ZSCAN26: variants seen among roughly 807,000 people sequenced by gnomAD.
ZSCAN26 encodes zinc finger and SCAN domain containing 26.
In ZSCAN26, 26 loss-of-function variants were observed where a neutral mutation model predicts 23.0. That is an observed-to-expected ratio of 1.13 (90% confidence interval 0.83 to 1.57). ZSCAN26 has a LOEUF of 1.57. ZSCAN26 is among the 40% of genes most tolerant of loss of function. The pLI is 0.00. For missense variants in ZSCAN26, 528 were observed against 568.5 expected (o/e 0.93, Z 0.72); for synonymous variants, 180 against 202.5 (o/e 0.89, Z 0.94).
At chr6:28,274,044 ATTC>A (rs1337354204) in intron 3 of ZSCAN26, among the ~76,000 whole-genome samples, 3 of 151,504 alleles carry the variant, frequency 2.0e-5, no homozygotes, top group Non-Finnish European at 4.4e-5. Context: ...TGTCACTGAA[ATTC>A]TTCTTCCTAA....
At chr6:28,272,550 T>C in intron 2 of ZSCAN26, 120 bp from the exon 3 acceptor site, 1 of 1,031,530 alleles carries the variant, frequency 9.7e-7, no homozygotes, top group Non-Finnish European at 1.4e-6. Context: ...CATCTTCTTT[T>C]CTTTGCCCCT....
rs755854753 is a variant in ZSCAN26 at position 28,276,266 on chromosome 6, G to T, written c.610G>T (p.Gly204Trp). ...CTCTTGTGGAAGAGTAGAGTCATCT[G>T]GGAAAATATCTGAACCCATGGAGGC... ...TDSCGRVESS[G>W]KISEPMEAHN... The change falls in exon 4 of 4, where the codon GGG (glycine) becomes TGG (tryptophan). Residue 204 changes from glycine to tryptophan, a missense_variant. Gly to Trp is a radical substitution (Grantham distance 184, BLOSUM62 -2). Transcript: ENST00000421553. 1.2e-6 allele frequency: 2 copies of T among 1,613,820 alleles called. No homozygotes were observed. The highest frequency in any genetic ancestry group is 2.7e-5 in the African/African-American group (2 of 74,898).
At chr6:28,268,737 C>A (rs1167940059) in intron 1 of ZSCAN26, among the ~76,000 whole-genome samples, 1 of 152,064 alleles carries the variant, frequency 6.6e-6, no homozygotes, top group Non-Finnish European at 1.5e-5. Context: ...GAGCTCCTCC[C>A]AAAACAGTTT....
intron 3 of ZSCAN26, among the ~76,000 whole-genome samples, chr6:28,272,999 C>A (rs1279352882): frequency 6.6e-6 from 1 of 152,146 alleles, no homozygotes; most frequent in African/African-American, 2.4e-5. Flanking sequence ...CTAATCAGGA[C>A]CACTATCAAG....
chr6:28,269,855 T>C (rs1761612013), intron 1 of ZSCAN26, among the ~76,000 whole-genome samples: 3 of 152,188 alleles, frequency 2.0e-5, no homozygotes, highest in African/African-American at 7.2e-5. Context: ...TCCAGAATAA[T>C]GTTTGACCAA....
chr6:28,269,106 C>A (rs1761571646), intron 1 of ZSCAN26, among the ~76,000 whole-genome samples: 1 of 112,662 alleles, frequency 8.9e-6, no homozygotes. Context: ...GAGGCAGACT[C>A]CATTTCAAAG....
Position 28,276,700 on chromosome 6 carries a change from T to C in ZSCAN26, c.1044T>C (p.Phe348=). 6.2e-7 allele frequency: 1 copy of C among 1,612,864 alleles called. No homozygotes were observed. The highest frequency in any genetic ancestry group is 8.5e-7 in the Non-Finnish European group (1 of 1,179,330). ...PYLCIHCGKN[F]RRSSHLNRHQ... is the part of the protein sequence containing the mutation. ...TATGTATCCATTGTGGAAAAAATTT[T>C]AGGCGCAGCTCTCACCTTAATCGAC... Residue 348 remains phenylalanine, a synonymous_variant, in exon 4 of 4, where the codon TTT becomes TTC. Transcript: ENST00000421553.
chr6:28,276,180 T>C lies in ZSCAN26; in HGVS notation c.539-15T>C. 6.3e-7 allele frequency: 1 copy of C among 1,583,638 alleles called. No individual in the cohort carries two copies. Among genetic ancestry groups the C allele is most frequent in the Non-Finnish European group, 8.6e-7 (1 of 1,166,128 alleles). ...CAAAAGACAAGTAATTGGTGGTATA[T>C]ATTTAATATTGCAGGTGAGGAGACA... On this transcript the variant is annotated splice_polypyrimidine_tract_variant and intron_variant, in intron 3 of 3. Transcript: ENST00000421553.
Position 28,276,418 on chromosome 6 carries a change from C to G in ZSCAN26, c.762C>G (p.His254Gln). ...ACCTGATTGAACATGCGAGTACACACACGGGAAAGAAACTCTGCGAGTCTG... is the reference window on the plus strand; with the variant it reads ...ACCTGATTGAACATGCGAGTACACAGACGGGAAAGAAACTCTGCGAGTCTG... ...HLDLIEHASTHTGKKLCESDV... is the reference protein window; with the variant it reads ...HLDLIEHASTQTGKKLCESDV... The change falls in exon 4 of 4, where the codon CAC (histidine) becomes CAG (glutamine). Residue 254 changes from histidine to glutamine, a missense_variant. Coordinates refer to ENST00000421553, the MANE Select transcript of ZSCAN26 (RefSeq NM_001023560.4). 1 of 1,613,996 alleles carries G rather than the reference C, an allele frequency of 6.2e-7. No individual in the cohort carries two copies. The highest frequency in any genetic ancestry group is 1.3e-5 in the African/African-American group (1 of 75,058).
rs531656144 is a variant in ZSCAN26 at position 28,277,113 on chromosome 6, T to C, written c.*17T>C. ...CTGGCTTGATGAGGTGTTCTCTCCT[T>C]GTAGAACATCAGAGAAGGCACATTG... On this transcript the variant is annotated 3_prime_UTR_variant, in exon 4 of 4. Transcript: ENST00000421553. 1 of 1,600,490 alleles carries C rather than the reference T, an allele frequency of 6.2e-7. No homozygotes were observed. Among genetic ancestry groups the C allele is most frequent in the African/African-American group, 1.3e-5 (1 of 74,436 alleles).
In ZSCAN26 at chr6:28,272,261, T is replaced by C. The variant is rs1761725938; in HGVS notation, c.342T>C (p.His114=). The change falls in exon 2 of 4, where the codon CAT becomes CAC. Residue 114 remains histidine, a synonymous_variant. Transcript: ENST00000421553. ...PKELQARVQE[H]HPESREDVVV... ...AGCTCCAGGCCCGGGTGCAGGAGCATCACCCAGAGAGCAGGGAGGACGTGG... is the reference window on the plus strand; with the variant it reads ...AGCTCCAGGCCCGGGTGCAGGAGCACCACCCAGAGAGCAGGGAGGACGTGG... 6.2e-7 allele frequency: 1 copy of C among 1,610,286 alleles called. No individual in the cohort carries two copies. The highest frequency in any genetic ancestry group is 8.5e-7 in the Non-Finnish European group (1 of 1,178,266).
In ZSCAN26 at chr6:28,277,897, T is replaced by A. The variant is rs2113733186; in HGVS notation, c.*801T>A. The A allele has an allele frequency of 6.6e-6, 1 of 152,368 alleles. No individual in the cohort carries two copies. The highest frequency in any genetic ancestry group is 1.5e-5 in the Non-Finnish European group (1 of 68,032). The allele number at this position is 152,368 out of a possible 1,614,324, so 9.4% of individuals were successfully genotyped here. A position where few individuals can be genotyped will look rare whatever the true frequency, so the allele number is the denominator to read the frequency against. On this transcript the variant is annotated 3_prime_UTR_variant, in exon 4 of 4. Coordinates refer to ENST00000421553, the MANE Select transcript of ZSCAN26 (RefSeq NM_001023560.4). ...AGTATAGTGGCTGCTGCATAGACAC[T>A]ATTCAGTAAATGTCTGATGAAAGAA...
At chr6:28,274,729 A>C (rs1386981428) in intron 3 of ZSCAN26, among the ~76,000 whole-genome samples, 1 of 152,216 alleles carries the variant, frequency 6.6e-6, no homozygotes, top group African/African-American at 2.4e-5. Context: ...GCAACAGAGC[A>C]AGACCATGTC....
intron 1 of ZSCAN26, among the ~76,000 whole-genome samples, chr6:28,269,461 G>C (rs1003808297): frequency 1.1e-4 from 16 of 152,242 alleles, no homozygotes; most frequent in Middle Eastern, 3.4e-3. Flanking sequence ...GGTCATTATG[G>C]AGGCTGGCAA....
intron 3 of ZSCAN26, 43 bp downstream of exon 3, chr6:28,272,830 C>T (rs1352969737): frequency 2.0e-6 from 3 of 1,528,666 alleles, no homozygotes; most frequent in Non-Finnish European, 2.7e-6. Context: ...ACGTGGTGGA[C>T]TGTGCCTTTC....
intron 1 of ZSCAN26, among the ~76,000 whole-genome samples, chr6:28,268,200 T>C (rs1761522853): frequency 6.6e-6 from 1 of 152,118 alleles, no homozygotes; most frequent in Non-Finnish European, 1.5e-5. Context: ...AAATAATTAA[T>C]ATATGTGAAA....
intron 1 of ZSCAN26, among the ~76,000 whole-genome samples, chr6:28,269,168 A>G (rs543653647): frequency 3.3e-5 from 5 of 151,944 alleles, no homozygotes; most frequent in African/African-American, 1.2e-4. Flanking sequence ...ATCATACCAC[A>G]TGTTTATTTA....
At chr6:28,275,202 C>T (rs1231671451) in intron 3 of ZSCAN26, among the ~76,000 whole-genome samples, 6 of 152,160 alleles carry the variant, frequency 3.9e-5, no homozygotes, top group African/African-American at 1.4e-4. Flanking sequence ...CTATTTTCTC[C>T]ATCCAGCTTT....
rs929997268 is a variant in ZSCAN26, at chr6:28,271,906, G to A, written c.-14G>A. The A allele has an allele frequency of 6.5e-7, 1 of 1,544,136 alleles. No homozygotes were observed. The highest frequency in any genetic ancestry group is 8.7e-7 in the Non-Finnish European group (1 of 1,143,506). On this transcript the variant is annotated 5_prime_UTR_variant, in exon 2 of 4. Coordinates refer to ENST00000421553, the MANE Select transcript of ZSCAN26 (RefSeq NM_001023560.4). Reference sequence around the variant, plus strand: ...AAAGTTCTCCAAAACAAGGAGAACAGTCTGAAGCTGGGGATGGCAACAGCA... The same window carrying A: ...AAAGTTCTCCAAAACAAGGAGAACAATCTGAAGCTGGGGATGGCAACAGCA...
Sources: allele counts gnomAD v4.1 joint callset (sites outside exome capture counted in the v4.1 genomes callset), GRCh38; gene constraint gnomAD v4.1.1; transcripts MANE v1.5; gene names NCBI Gene and HGNC (gene_info 2026-07-23, HGNC 2026-07-21).